Variants in BCAR3 observed in about 807,000 individuals in gnomAD.
BCAR3 encodes breast cancer anti-estrogen resistance protein 3.
A neutral mutation model predicts 80.1 loss-of-function variants in BCAR3; 37 were observed. That is an observed-to-expected ratio of 0.46 (90% CI 0.36 to 0.61). BCAR3 has a LOEUF of 0.61. Among genes scored for constraint, BCAR3 ranks in the 20% least tolerant of loss-of-function variants. The probability of loss-of-function intolerance (pLI) is 0.00; values close to 1 mark genes in which losing one functional copy is unlikely to be tolerated. For missense variants in BCAR3, 978 were observed against 1,068.2 expected (o/e 0.92, Z 1.18); for synonymous variants, 389 against 418.9 (o/e 0.93, Z 0.87).
chr1:93,801,698 G>A (rs948675988), intron 2 of BCAR3, among the ~76,000 whole-genome samples: 2 of 152,198 alleles, frequency 1.3e-5, no homozygotes, highest in East Asian at 3.9e-4. Context: ...GGTGGCTCAC[G>A]CCTATAATCC....
upstream of BCAR3, among the ~76,000 whole-genome samples, chr1:93,686,542 C>T (rs1335618024): frequency 6.6e-6 from 1 of 152,202 alleles, no homozygotes; most frequent in Non-Finnish European, 1.5e-5. Flanking sequence ...TCGATACTTG[C>T]CCCATTTCAC....
intron 7 of BCAR3, among the ~76,000 whole-genome samples, chr1:93,576,805 A>G (rs1034085743): frequency 5.3e-5 from 8 of 152,236 alleles, no homozygotes; most frequent in African/African-American, 1.9e-4. Context: ...AGAATCAGGT[A>G]TTAGTTATTA....
intron 2 of BCAR3, among the ~76,000 whole-genome samples, chr1:93,762,748 C>T (rs1485240788): frequency 6.6e-6 from 1 of 152,136 alleles, no homozygotes; most frequent in Non-Finnish European, 1.5e-5. Flanking sequence ...GATGGCCCTT[C>T]AAACCCCAGC....
chr1:93,755,836 T>C (rs1651725656), intron 2 of BCAR3, among the ~76,000 whole-genome samples: 1 of 152,228 alleles, frequency 6.6e-6, no homozygotes, highest in African/African-American at 2.4e-5. Context: ...TAAAATTATC[T>C]AAGATAATAT....
intron 3 of BCAR3, chr1:93,605,406 G>T (rs1466826016): frequency 6.6e-6 from 1 of 152,204 alleles, no homozygotes; most frequent in African/African-American, 2.4e-5. Context: ...GCTTTCACAG[G>T]GCTGGCACTT....
intron 2 of BCAR3, among the ~76,000 whole-genome samples, chr1:93,745,208 A>T (rs1211291094): frequency 6.6e-6 from 1 of 152,232 alleles, no homozygotes; most frequent in Non-Finnish European, 1.5e-5. Context: ...TGGCCATGTG[A>T]CTGGGAGTGG....
At chr1:93,814,602 A>G (rs1012233946) in intron 2 of BCAR3, among the ~76,000 whole-genome samples, 3 of 152,198 alleles carry the variant, frequency 2.0e-5, no homozygotes, top group African/African-American at 7.2e-5. Context: ...GGCAGCCCTC[A>G]TGGAGAAGGA....
chr1:93,814,039 G>A (rs767080725), intron 2 of BCAR3, among the ~76,000 whole-genome samples: 4 of 152,162 alleles, frequency 2.6e-5, no homozygotes, highest in Non-Finnish European at 5.9e-5. Flanking sequence ...TTTTATGACA[G>A]GAAAATCACA....
At chr1:93,692,128 TC>T (rs1176956653) in intron 3 of BCAR3, among the ~76,000 whole-genome samples, 1 of 152,212 alleles carries the variant, frequency 6.6e-6, no homozygotes, top group Non-Finnish European at 1.5e-5. Flanking sequence ...TGACACTGCA[TC>T]ATTAGGAATG....
chr1:93,729,354 T>C (rs1650704674), intron 2 of BCAR3, among the ~76,000 whole-genome samples: 1 of 152,170 alleles, frequency 6.6e-6, no homozygotes, highest in South Asian at 2.1e-4. Flanking sequence ...AATAAAGTGT[T>C]GAGTATCTCA....
chr1:93,688,466 C>G (rs1348439493), intron 3 of BCAR3, among the ~76,000 whole-genome samples: 1 of 151,892 alleles, frequency 6.6e-6, no homozygotes, highest in East Asian at 1.9e-4. Context: ...AAGAAATACA[C>G]CAAAACGTCT....
intron 9 of BCAR3, 127 bp downstream of exon 9, chr1:93,571,542 TA>T: frequency 8.0e-7 from 1 of 1,248,932 alleles, no homozygotes; most frequent in Non-Finnish European, 1.1e-6. Context: ...CACTGTCCCC[TA>T]AATGAAGCAG....
At chr1:93,767,752 T>C (rs533840467) in intron 2 of BCAR3, among the ~76,000 whole-genome samples, 2 of 152,256 alleles carry the variant, frequency 1.3e-5, no homozygotes, top group Non-Finnish European at 2.9e-5. Flanking sequence ...TCTCTAATCC[T>C]AATGTAACAG....
intron 2 of BCAR3, among the ~76,000 whole-genome samples, chr1:93,804,975 C>T (rs1320047621): frequency 1.3e-5 from 2 of 152,168 alleles, no homozygotes; most frequent in Non-Finnish European, 2.9e-5. Flanking sequence ...TATTTTAAAA[C>T]ACAACTGCTT....
At chr1:93,819,791 G>T (rs191080640) in intron 2 of BCAR3, among the ~76,000 whole-genome samples, 73 of 152,008 alleles carry the variant, frequency 4.8e-4, no homozygotes, top group African/African-American at 1.7e-3. Context: ...TTAGGTTCAG[G>T]GGTACAAATG....
intron 3 of BCAR3, among the ~76,000 whole-genome samples, chr1:93,624,146 C>G (rs1488153097): frequency 6.6e-6 from 1 of 152,202 alleles, no homozygotes; most frequent in Non-Finnish European, 1.5e-5. Context: ...GGGGAAAGCA[C>G]AAACAAACTG....
At chr1:93,664,110 C>T (rs998863457) in intron 2 of BCAR3, among the ~76,000 whole-genome samples, 3 of 152,150 alleles carry the variant, frequency 2.0e-5, no homozygotes, top group Admixed American at 6.5e-5. Flanking sequence ...ATTTCAACAG[C>T]GAGTTCCTAC....
intron 2 of BCAR3, among the ~76,000 whole-genome samples, chr1:93,716,653 A>G (rs1048491882): frequency 2.0e-5 from 3 of 152,252 alleles, no homozygotes; most frequent in Admixed American, 2.0e-4. Flanking sequence ...AATGCCGAGA[A>G]AGGGTGCCTC....
intron 3 of BCAR3, among the ~76,000 whole-genome samples, chr1:93,618,976 GT>G (rs1675226836): frequency 7.4e-6 from 1 of 135,816 alleles, no homozygotes; most frequent in African/African-American, 2.7e-5. Context: ...ATCTCGCTCT[GT>G]CGCCAGGCTG....
Sources: allele counts gnomAD v4.1 joint callset (sites outside exome capture counted in the v4.1 genomes callset), GRCh38; gene constraint gnomAD v4.1.1; transcripts MANE v1.5; gene names NCBI Gene and HGNC (gene_info 2026-07-23, HGNC 2026-07-21).